Variants in HDDC2 observed in about 807,000 individuals in gnomAD.
HDDC2 encodes 5'-deoxynucleotidase HDDC2.
HDDC2 carries 25 observed loss-of-function variants against 25.5 expected under a neutral mutation model. The ratio of observed to expected loss-of-function variants is 0.98; its 90% CI spans 0.72 to 1.37. The LOEUF is 1.37. Ranked by LOEUF, HDDC2 falls within the 40% of genes most tolerant of loss-of-function variation. The pLI, the probability that HDDC2 is intolerant of heterozygous loss-of-function variation, is 0.00. For missense variants in HDDC2, 264 were observed against 253.1 expected, an observed-to-expected ratio of 1.04 and a Z score of -0.29; for synonymous variants, 106 against 89.7, an observed-to-expected ratio of 1.18 and a Z score of -1.03.
intron 4 of HDDC2, among the ~76,000 whole-genome samples, chr6:125,290,369 G>T (rs1798611703): frequency 6.6e-6 from 1 of 152,158 alleles, no homozygotes; most frequent in Non-Finnish European, 1.5e-5. Context: ...GTAAACAGGG[G>T]AGCCACTATT....
At chr6:125,285,850 T>G (rs1049956675) in intron 4 of HDDC2, among the ~76,000 whole-genome samples, 12 of 152,176 alleles carry the variant, frequency 7.9e-5, no homozygotes, top group African/African-American at 2.7e-4. Context: ...TTCTCCACAT[T>G]GTCAGAAGTT....
At chr6:125,295,610 C>G (rs1798696372) in intron 3 of HDDC2, among the ~76,000 whole-genome samples, 1 of 152,154 alleles carries the variant, frequency 6.6e-6, no homozygotes, top group African/African-American at 2.4e-5. Context: ...CTTTATAAAT[C>G]TGCCACATAA....
At chr6:125,286,888 T>C (rs1265693693) in intron 4 of HDDC2, among the ~76,000 whole-genome samples, 1 of 152,188 alleles carries the variant, frequency 6.6e-6, no homozygotes, top group African/African-American at 2.4e-5. Flanking sequence ...TATTAGAATA[T>C]TACCATTCTG....
intron 4 of HDDC2, among the ~76,000 whole-genome samples, chr6:125,280,631 C>T (rs578125114): frequency 4.6e-5 from 7 of 152,372 alleles, no homozygotes; most frequent in South Asian, 2.1e-4. Context: ...CCCACCACAT[C>T]GCTGCAAAGC....
At chr6:125,300,083 T>C (rs553414737) in intron 2 of HDDC2, among the ~76,000 whole-genome samples, 2 of 152,354 alleles carry the variant, frequency 1.3e-5, no homozygotes, top group African/African-American at 2.4e-5. Flanking sequence ...TAAACTTTTG[T>C]TCTGTGCTCA....
intron 1 of HDDC2, 96 bp downstream of exon 1, chr6:125,301,753 G>T: frequency 1.2e-6 from 1 of 869,308 alleles, no homozygotes; most frequent in Non-Finnish European, 1.7e-6. Flanking sequence ...GGCGCAGGAA[G>T]GGCAAAGACC....
Position 125,276,037 on chromosome 6 carries a change from C to A in HDDC2, c.*109G>T. 3 of 798,064 alleles carry A rather than the reference C, an allele frequency of 3.8e-6. No homozygotes were observed. The highest frequency in any genetic ancestry group is 1.6e-5 in the South Asian group (1 of 61,780). The allele number at this position is 798,064 out of a possible 1,614,324, so 49.4% of individuals were successfully genotyped here. ...TTGCTGAAGTTCAGACAATTGAAAA[C>A]AAACAGACTCACATCTAGGGAAATC... On this transcript the variant is annotated 3_prime_UTR_variant, in exon 6 of 6. Coordinates refer to ENST00000398153, the MANE Select transcript of HDDC2 (RefSeq NM_016063.3).
At chr6:125,277,032 T>C in intron 5 of HDDC2, 70 bp downstream of exon 5, 2 of 1,502,396 alleles carry the variant, frequency 1.3e-6, no homozygotes, top group Non-Finnish European at 1.8e-6. Context: ...GTTTCCCTAA[T>C]ATTAACATTA....
chr6:125,300,561 T>G lies in HDDC2; in HGVS notation c.183A>C (p.Lys61Asn), dbSNP rs1313240819. 8 of 1,614,030 alleles carry G rather than the reference T, an allele frequency of 5.0e-6. No individual in the cohort carries two copies. The highest frequency in any genetic ancestry group is 1.3e-5 in the African/African-American group (1 of 74,932). Reference protein sequence around the residue: ...YRMAVMAMVIKDDRLNKDRCV... With the variant: ...YRMAVMAMVINDDRLNKDRCV... ...ACCGGTCTTTGTTAAGACGGTCATC[T>G]TTGATCACCATAGCCATAACTGCCA... Residue 61 changes from lysine (K) to asparagine (N), a missense_variant, in exon 2 of 6, where the codon AAA (lysine) becomes AAC (asparagine). Lys to Asn is a moderately conservative substitution (Grantham distance 94). Transcript: ENST00000398153.
chr6:125,292,402 A>C (rs1241648093), intron 4 of HDDC2, among the ~76,000 whole-genome samples: 1 of 152,064 alleles, frequency 6.6e-6, no homozygotes, highest in Non-Finnish European at 1.5e-5. Context: ...TCTCTGTGGC[A>C]CTTCACCTTG....
intron 4 of HDDC2, 64 bp downstream of exon 4, chr6:125,292,774 TACA>T (rs1798650061): frequency 3.3e-6 from 4 of 1,194,546 alleles, no homozygotes; most frequent in South Asian, 1.2e-5. Context: ...CTAAGTCAAG[TACA>T]ACATCAGGGA....
chr6:125,292,646 G>A (rs1798648124), intron 4 of HDDC2, among the ~76,000 whole-genome samples, 195 bp downstream of exon 4: 1 of 152,148 alleles, frequency 6.6e-6, no homozygotes, highest in Non-Finnish European at 1.5e-5. Flanking sequence ...GAGGGAAATG[G>A]GGAACTTGGA....
chr6:125,287,811 G>A (rs1798563758), intron 4 of HDDC2, among the ~76,000 whole-genome samples: 1 of 152,242 alleles, frequency 6.6e-6, no homozygotes, highest in African/African-American at 2.4e-5. Flanking sequence ...AACCAGGAGA[G>A]GGCAATGTCA....
At chr6:125,284,063 T>C in intron 4 of HDDC2, among the ~76,000 whole-genome samples, 1 of 152,080 alleles carries the variant, frequency 6.6e-6, no homozygotes, top group East Asian at 1.9e-4. Context: ...AAACAAGAAA[T>C]GGGGAAAGGA....
At chr6:125,282,376 A>G (rs920492933) in intron 4 of HDDC2, among the ~76,000 whole-genome samples, 12 of 152,038 alleles carry the variant, frequency 7.9e-5, no homozygotes, top group African/African-American at 2.4e-4. Flanking sequence ...AAGAAAAAAG[A>G]AAAGATTTTC....
Position 125,276,073 on chromosome 6 carries a change from C to T in HDDC2, c.*73G>A. On this transcript the variant is annotated 3_prime_UTR_variant, in exon 6 of 6. Coordinates refer to ENST00000398153, the MANE Select transcript of HDDC2 (RefSeq NM_016063.3). ...ACATCTAGGGAAATCAACAGACCAACAATGGCAAAACACAATACAATGAAA... is the reference window on the plus strand; with the variant it reads ...ACATCTAGGGAAATCAACAGACCAATAATGGCAAAACACAATACAATGAAA... 3 of 1,138,286 alleles carry T rather than the reference C, an allele frequency of 2.6e-6. No homozygotes were observed. The highest frequency in any genetic ancestry group is 4.0e-6 in the Non-Finnish European group (3 of 751,332). The allele number at this position is 1,138,286 out of a possible 1,614,324, so 70.5% of individuals were successfully genotyped here. A position where few individuals can be genotyped will look rare whatever the true frequency, so the allele number is the denominator to read the frequency against.
At position 125,276,049 on chromosome 6, in the gene HDDC2, C is replaced by A; in HGVS notation, c.*97G>T. The A allele has an allele frequency of 1.1e-6, 1 of 884,944 alleles. No individual in the cohort carries two copies. Among genetic ancestry groups the A allele is most frequent in the Non-Finnish European group, 1.9e-6 (1 of 533,304 alleles). 54.8% of individuals were successfully genotyped at this position (884,944 alleles called of 1,614,324 possible). On this transcript the variant is annotated 3_prime_UTR_variant, in exon 6 of 6. Transcript: ENST00000398153. ...AGACAATTGAAAACAAACAGACTCA[C>A]ATCTAGGGAAATCAACAGACCAACA...
chr6:125,301,038 G>C (rs77924400), intron 1 of HDDC2, among the ~76,000 whole-genome samples: 7,238 of 152,132 alleles, frequency 0.048, 227 homozygotes, highest in South Asian at 0.082. Flanking sequence ...GTATTGAAGG[G>C]TCTGAACGTG....
At chr6:125,295,198 G>C (rs1387606256) in intron 3 of HDDC2, among the ~76,000 whole-genome samples, 1 of 152,064 alleles carries the variant, frequency 6.6e-6, no homozygotes, top group Non-Finnish European at 1.5e-5. Context: ...GTTTCACCTT[G>C]TTGTTCAGTC....
Sources: allele counts gnomAD v4.1 joint callset (sites outside exome capture counted in the v4.1 genomes callset), GRCh38; gene constraint gnomAD v4.1.1; transcripts MANE v1.5; gene names NCBI Gene and HGNC (gene_info 2026-07-23, HGNC 2026-07-21).